PCDHGB6: variants seen among roughly 807,000 people sequenced by gnomAD.
PCDHGB6 encodes protocadherin gamma-B6.
Under a neutral mutation model 59.1 loss-of-function variants are expected in PCDHGB6, and 51 were observed. The observed-to-expected ratio is 0.86, with a 90% CI of 0.69 to 1.09. PCDHGB6 has a LOEUF of 1.09. PCDHGB6 is among the 50% of genes least tolerant of loss of function. The pLI is 0.00. For missense variants in PCDHGB6, 1,148 were observed against 1,205.1 expected, an observed-to-expected ratio of 0.95 and a Z score of 0.70; for synonymous variants, 466 against 495.1, an observed-to-expected ratio of 0.94 and a Z score of 0.78.
At chr5:141,492,068 G>A in intron 1 of PCDHGB6, 1 of 479,628 alleles carries the variant, frequency 2.1e-6, no homozygotes, top group Non-Finnish European at 3.7e-6. Flanking sequence ...AGCCTCCTAG[G>A]CGCCGGCTCC....
intron 1 of PCDHGB6, among the ~76,000 whole-genome samples, chr5:141,442,736 A>C (rs2098340663): frequency 6.6e-6 from 1 of 152,226 alleles, no homozygotes; most frequent in African/African-American, 2.4e-5. Flanking sequence ...CCTGTAGGTA[A>C]GGAGCATGTT....
intron 3 of PCDHGB6, among the ~76,000 whole-genome samples, chr5:141,509,952 C>T (rs954730777): frequency 7.2e-5 from 11 of 152,186 alleles, no homozygotes; most frequent in African/African-American, 2.2e-4. Flanking sequence ...CAAATGCTAC[C>T]GGGTATGGCC....
In PCDHGB6 at chr5:141,511,296, A is replaced by C; in HGVS notation, c.*123A>C. 1 of 1,505,968 alleles carries C rather than the reference A, an allele frequency of 6.6e-7. No individual in the cohort carries two copies. The allele number at this position is 1,505,968 out of a possible 1,614,324, so 93.3% of individuals were successfully genotyped here. On this transcript the variant is annotated 3_prime_UTR_variant, in exon 4 of 4. Coordinates refer to ENST00000520790, the MANE Select transcript of PCDHGB6 (RefSeq NM_018926.3). ...CAGAATACTGGTAGGGGCCAAGGCCATGCTCCCCTTGGGAAACAGAAACAA... is the reference window on the plus strand; with the variant it reads ...CAGAATACTGGTAGGGGCCAAGGCCCTGCTCCCCTTGGGAAACAGAAACAA...
chr5:141,424,116 T>G, intron 1 of PCDHGB6: 1 of 667,648 alleles, frequency 1.5e-6, no homozygotes, highest in Non-Finnish European at 1.9e-6. Context: ...GTTCAAATTT[T>G]GATCCTGTTG....
chr5:141,488,807 C>G (rs2099679535), intron 1 of PCDHGB6, among the ~76,000 whole-genome samples: 1 of 152,170 alleles, frequency 6.6e-6, no homozygotes, highest in Non-Finnish European at 1.5e-5. Flanking sequence ...TGAGTACCAT[C>G]TGAGCTGTCA....
chr5:141,422,703 G>GA, intron 1 of PCDHGB6: 1 of 1,603,132 alleles, frequency 6.2e-7, no homozygotes, highest in African/African-American at 1.3e-5. Context: ...CTTACTCTCT[G>GA]ACGGATGACA....
chr5:141,497,986 G>T (rs1404550601), intron 2 of PCDHGB6, among the ~76,000 whole-genome samples: 1 of 152,176 alleles, frequency 6.6e-6, no homozygotes, highest in Non-Finnish European at 1.5e-5. Context: ...GGAGGCCCCT[G>T]CCCTCAAGGA....
intron 2 of PCDHGB6, among the ~76,000 whole-genome samples, chr5:141,498,963 GGGAGGGAGGGAAGGAAGGAA>G (rs1472475865): frequency 5.7e-4 from 74 of 129,970 alleles, no homozygotes; most frequent in Non-Finnish European, 2.6e-4. Flanking sequence ...GAGAGAGGGA[GGGAGGGAGGGAAGGAAGGAA>G]GGAAGGAAGG....
chr5:141,480,239 A>C (rs1320132415), intron 1 of PCDHGB6, among the ~76,000 whole-genome samples: 4 of 136,218 alleles, frequency 2.9e-5, no homozygotes, highest in African/African-American at 1.1e-4. Context: ...TCCTGTCTCT[A>C]CAAAAAAAAA....
Position 141,476,793 on chromosome 5 carries a change from C to T in PCDHGB6, c.2419-18014C>T, listed in dbSNP as rs754785656. ...GACGGAGGGACCCCAGCTCTCTCCG[C>T]CAGCCTGCCTATTCACATCAAGGTG... On this transcript the variant is annotated intron_variant, in intron 1 of 3. Transcript: ENST00000520790. The surrounding 1 kb of genome is among the most constrained non-coding windows in gnomAD (Gnocchi z 7.6). 1.2e-6 allele frequency: 2 copies of T among 1,613,642 alleles called. No homozygotes were observed. The highest frequency in any genetic ancestry group is 2.2e-5 in the East Asian group (1 of 44,868).
chr5:141,490,869 A>G lies in PCDHGB6; in HGVS notation c.2419-3938A>G, dbSNP rs764138126. ...GGGTTCGAGACTCCGGCTCTCCCCCATTGCATGCCAACACATCTCTGCATG... is the reference window on the plus strand; with the variant it reads ...GGGTTCGAGACTCCGGCTCTCCCCCGTTGCATGCCAACACATCTCTGCATG... On this transcript the variant is annotated intron_variant, in intron 1 of 3. Transcript: ENST00000520790. This position sits in a 1 kb window ranked among gnomAD's most constrained non-coding sequence, Gnocchi z 5.4. 4.3e-6 allele frequency: 7 copies of G among 1,613,784 alleles called. No homozygotes were observed. The highest frequency in any genetic ancestry group is 1.7e-5 in the Admixed American group (1 of 60,004).
intron 3 of PCDHGB6, among the ~76,000 whole-genome samples, chr5:141,508,954 C>A (rs2154594435): frequency 6.6e-6 from 1 of 152,170 alleles, no homozygotes; most frequent in Admixed American, 6.5e-5. Context: ...AGAGAAATGT[C>A]AGCGGAATGA....
chr5:141,500,207 T>G (rs932015076), intron 2 of PCDHGB6, among the ~76,000 whole-genome samples: 2 of 150,136 alleles, frequency 1.3e-5, no homozygotes, highest in African/African-American at 4.9e-5. Context: ...TTTATTTATT[T>G]ATTTATTTAT....
In PCDHGB6 at chr5:141,486,407, C is replaced by A; in HGVS notation, c.2419-8400C>A. The A allele has an allele frequency of 6.2e-7, 1 of 1,614,134 alleles. No homozygotes were observed. The highest frequency in any genetic ancestry group is 8.5e-7 in the Non-Finnish European group (1 of 1,180,000). On this transcript the variant is annotated intron_variant, in intron 1 of 3. Transcript: ENST00000520790. This position sits in a 1 kb window ranked among gnomAD's most constrained non-coding sequence, Gnocchi z 5.0. Reference sequence around the variant, plus strand: ...CCAGTTCTCCCTGGTGACTGCTGGACCCTTGGATCGAGAGGCCAAATCTAG... The same window carrying A: ...CCAGTTCTCCCTGGTGACTGCTGGAACCTTGGATCGAGAGGCCAAATCTAG...
chr5:141,415,736 T>G, intron 1 of PCDHGB6: 1 of 1,289,978 alleles, frequency 7.8e-7, no homozygotes, highest in South Asian at 1.8e-5. Context: ...TGATGTTTAT[T>G]AAGGTTTTTT....
intron 1 of PCDHGB6, among the ~76,000 whole-genome samples, chr5:141,474,669 C>T (rs983136753): frequency 6.6e-6 from 1 of 152,198 alleles, no homozygotes; most frequent in Non-Finnish European, 1.5e-5. Flanking sequence ...CCTACCTAAC[C>T]TATGTGCCTA....
At position 141,490,688 on chromosome 5, in the gene PCDHGB6, C is replaced by A; in HGVS notation, c.2419-4119C>A. ...ACTGTGGCTGCCTCAGATCCAGACA[C>A]TGGGGATAATGCCCGCCTCACCTAC... On this transcript the variant is annotated intron_variant, in intron 1 of 3. Coordinates refer to ENST00000520790, the MANE Select transcript of PCDHGB6 (RefSeq NM_018926.3). The surrounding 1 kb of genome is among the most constrained non-coding windows in gnomAD (Gnocchi z 5.4). The A allele has an allele frequency of 6.2e-7, 1 of 1,614,218 alleles. No individual in the cohort carries two copies. The highest frequency in any genetic ancestry group is 8.5e-7 in the Non-Finnish European group (1 of 1,180,032).
chr5:141,486,489 G>T lies in PCDHGB6; in HGVS notation c.2419-8318G>T. 2 of 1,614,060 alleles carry T rather than the reference G, an allele frequency of 1.2e-6. No homozygotes were observed. The highest frequency in any genetic ancestry group is 1.7e-6 in the Non-Finnish European group (2 of 1,179,892). ...GGGAACCCTCCTCTCAGTACCCACA[G>T]AACTATTTTCCTCAATATTTCAGAT... On this transcript the variant is annotated intron_variant, in intron 1 of 3. Coordinates refer to ENST00000520790, the MANE Select transcript of PCDHGB6 (RefSeq NM_018926.3). The surrounding 1 kb of genome is among the most constrained non-coding windows in gnomAD (Gnocchi z 5.0).
intron 1 of PCDHGB6, among the ~76,000 whole-genome samples, chr5:141,459,101 C>A (rs1021289352): frequency 6.6e-6 from 1 of 152,192 alleles, no homozygotes; most frequent in Non-Finnish European, 1.5e-5. Context: ...CAGTGCAATG[C>A]ATTTTGACAA....
Sources: gnomAD v4.1 joint callset for allele counts (sites outside exome capture counted in the v4.1 genomes callset) on GRCh38, gnomAD v4.1.1 for gene constraint, Gnocchi (gnomAD v3.1) non-coding constraint, MANE v1.5 for transcripts, NCBI Gene and HGNC (gene_info 2026-07-23, HGNC 2026-07-21) for gene names.